Variants in GSTCD observed in about 807,000 individuals in gnomAD.
GSTCD encodes glutathione S-transferase C-terminal domain-containing protein.
Under a neutral mutation model 68.3 loss-of-function variants are expected in GSTCD, and 44 were observed. The observed-to-expected ratio is 0.64, with a 90% CI of 0.51 to 0.83. The LOEUF (loss-of-function observed/expected upper bound fraction) is 0.83, where lower values mean the gene tolerates loss of function less well. GSTCD is among the 40% of genes least tolerant of loss of function. The probability of loss-of-function intolerance (pLI) is 0.00; values close to 1 mark genes in which losing one functional copy is unlikely to be tolerated. For missense variants in GSTCD, 739 were observed against 735.9 expected (o/e 1.00, Z -0.05); for synonymous variants, 273 against 255.2 (o/e 1.07, Z -0.67).
At chr4:105,811,433 A>G (rs1722744353) in intron 5 of GSTCD, among the ~76,000 whole-genome samples, 1 of 149,102 alleles carries the variant, frequency 6.7e-6, no homozygotes, top group Non-Finnish European at 1.5e-5. Context: ...TGATGAGATT[A>G]TGGGAGTAAA....
chr4:105,783,968 GAATACTACAGAA>G (rs1350152444), intron 5 of GSTCD, among the ~76,000 whole-genome samples: 1 of 152,156 alleles, frequency 6.6e-6, no homozygotes, highest in Non-Finnish European at 1.5e-5. Flanking sequence ...TTTGGGGCAG[GAATACTACAGAA>G]GTGATGCACC....
At chr4:105,786,622 T>C (rs1447348767) in intron 5 of GSTCD, among the ~76,000 whole-genome samples, 1 of 149,690 alleles carries the variant, frequency 6.7e-6, no homozygotes, top group African/African-American at 2.5e-5. Context: ...CTGAAAAATA[T>C]AAAGCAATAT....
chr4:105,717,988 A>G lies in GSTCD; in HGVS notation c.375A>G (p.Glu125=), dbSNP rs1412593469. 1 of 1,612,694 alleles carries G rather than the reference A, an allele frequency of 6.2e-7. No individual in the cohort carries two copies. Among genetic ancestry groups the G allele is most frequent in the Non-Finnish European group, 8.5e-7 (1 of 1,179,516 alleles). The change falls in exon 2 of 12, where the codon GAA becomes GAG. Residue 125 remains glutamate (E), a synonymous_variant. Transcript: ENST00000515279. The part of the protein sequence containing the change: ...KSYEADPLKK[E]LLELLGFKKT... Reference sequence around the variant, plus strand: ...ATGAAGCAGACCCCTTAAAGAAGGAACTTTTGGAACTTCTGGGCTTTAAAA... The same window carrying G: ...ATGAAGCAGACCCCTTAAAGAAGGAGCTTTTGGAACTTCTGGGCTTTAAAA...
intron 5 of GSTCD, 57 bp downstream of exon 5, chr4:105,729,556 T>C (rs970964838): frequency 5.4e-6 from 6 of 1,105,626 alleles, no homozygotes; most frequent in Non-Finnish European, 8.2e-6. Context: ...TCTTCAGATA[T>C]GTCTTCTAAT....
chr4:105,733,240 C>G (rs1361978939), intron 5 of GSTCD, among the ~76,000 whole-genome samples: 2 of 152,114 alleles, frequency 1.3e-5, no homozygotes, highest in African/African-American at 4.8e-5. Flanking sequence ...TCCTGGCTAT[C>G]CTTGTGAACT....
At chr4:105,713,129 A>C (rs1732587901) in intron 1 of GSTCD, among the ~76,000 whole-genome samples, 1 of 152,162 alleles carries the variant, frequency 6.6e-6, no homozygotes, top group Non-Finnish European at 1.5e-5. Context: ...GCTTCATGAC[A>C]TTTTTGTTTC....
At chr4:105,760,613 G>C (rs1734368990) in intron 5 of GSTCD, among the ~76,000 whole-genome samples, 3 of 152,104 alleles carry the variant, frequency 2.0e-5, no homozygotes. Context: ...AGGTCAACCA[G>C]GTCTTGAATT....
intron 5 of GSTCD, among the ~76,000 whole-genome samples, chr4:105,778,856 A>T (rs538427680): frequency 3.3e-5 from 5 of 152,114 alleles, no homozygotes; most frequent in Non-Finnish European, 7.4e-5. Context: ...AGATTCCTCA[A>T]TGTTAACATT....
chr4:105,769,726 A>G (rs1041362634), intron 5 of GSTCD, among the ~76,000 whole-genome samples: 1 of 151,790 alleles, frequency 6.6e-6, no homozygotes, highest in African/African-American at 2.4e-5. Context: ...TTTTTTGTGT[A>G]TATGTTACCT....
chr4:105,749,289 T>C (rs537543418), intron 5 of GSTCD, among the ~76,000 whole-genome samples: 25 of 152,074 alleles, frequency 1.6e-4, no homozygotes, highest in African/African-American at 6.0e-4. Flanking sequence ...ATAAAATAAT[T>C]TAATCAAATC....
At chr4:105,844,273 G>A (rs1436572640) in intron 11 of GSTCD, among the ~76,000 whole-genome samples, 1 of 151,756 alleles carries the variant, frequency 6.6e-6, no homozygotes, top group South Asian at 2.1e-4. Flanking sequence ...TATTTTAAGG[G>A]AAAAAAAAGA....
intron 5 of GSTCD, among the ~76,000 whole-genome samples, chr4:105,745,225 A>C (rs1733761197): frequency 6.6e-6 from 1 of 152,184 alleles, no homozygotes; most frequent in Non-Finnish European, 1.5e-5. Flanking sequence ...ATACCTACTG[A>C]GTTGAATTCC....
chr4:105,830,771 T>C (rs1327257907), intron 8 of GSTCD, among the ~76,000 whole-genome samples: 1 of 151,928 alleles, frequency 6.6e-6, no homozygotes, highest in Non-Finnish European at 1.5e-5. Context: ...AGGGAACAAC[T>C]TGGATGTTAA....
At chr4:105,815,154 A>C (rs907276872) in intron 5 of GSTCD, 1 of 152,192 alleles carries the variant, frequency 6.6e-6, no homozygotes, top group Non-Finnish European at 1.5e-5. Context: ...GTGCCTTTTC[A>C]TAACAATTAT....
chr4:105,740,768 C>T (rs1335443839), intron 5 of GSTCD, among the ~76,000 whole-genome samples: 1 of 152,086 alleles, frequency 6.6e-6, no homozygotes, highest in East Asian at 1.9e-4. Context: ...TTCCAACTCT[C>T]CAACATGCTG....
intron 11 of GSTCD, among the ~76,000 whole-genome samples, chr4:105,844,040 AGTT>A (rs1313813085): frequency 6.6e-6 from 1 of 152,190 alleles, no homozygotes; most frequent in Non-Finnish European, 1.5e-5. Context: ...GCTAAATTTC[AGTT>A]GTAGAGACAC....
chr4:105,735,696 C>T (rs553150469), intron 5 of GSTCD, among the ~76,000 whole-genome samples: 38 of 152,168 alleles, frequency 2.5e-4, no homozygotes, highest in African/African-American at 7.0e-4. Flanking sequence ...CCCCACTGTC[C>T]GACAAGCCCC....
At chr4:105,836,915 G>C (rs1466839639) in intron 9 of GSTCD, among the ~76,000 whole-genome samples, 1 of 152,166 alleles carries the variant, frequency 6.6e-6, no homozygotes, top group African/African-American at 2.4e-5. Context: ...GTGGAAAGAA[G>C]TACTCTTTTC....
At position 105,719,340 on chromosome 4, in the gene GSTCD, G is replaced by A. The variant is rs1439653577; in HGVS notation, c.707G>A (p.Ser236Asn). 6.2e-7 allele frequency: 1 copy of A among 1,614,032 alleles called. No individual in the cohort carries two copies. Among genetic ancestry groups the A allele is most frequent in the Non-Finnish European group, 8.5e-7 (1 of 1,180,012 alleles). The part of the protein sequence containing the change: ...TSEGLDSSSK[S>N]LELKVAFSKL... Reference sequence around the variant, plus strand: ...GAAGGGTTGGATTCTTCATCCAAGAGTCTGGAACTGAAAGTGGCATTCTCA... The same window carrying A: ...GAAGGGTTGGATTCTTCATCCAAGAATCTGGAACTGAAAGTGGCATTCTCA... Residue 236 changes from serine (S) to asparagine (N), a missense_variant, in exon 3 of 12, where the codon AGT (serine) becomes AAT (asparagine). Physicochemically the swap from Ser to Asn is conservative, Grantham distance 46. Coordinates refer to ENST00000515279, the MANE Select transcript of GSTCD (RefSeq NM_001370181.1).
Sources: gnomAD v4.1 joint callset for allele counts (sites outside exome capture counted in the v4.1 genomes callset) on GRCh38, gnomAD v4.1.1 for gene constraint, MANE v1.5 for transcripts, NCBI Gene and HGNC (gene_info 2026-07-23, HGNC 2026-07-21) for gene names.